ITGAD: variants seen among roughly 807,000 people sequenced by gnomAD.
The protein encoded by ITGAD is integrin alpha-D.
Under a neutral mutation model 139.0 loss-of-function variants are expected in ITGAD, and 105 were observed. The observed-to-expected ratio is 0.76, with a 90% CI of 0.65 to 0.89. ITGAD has a LOEUF of 0.89. Ranked by LOEUF, ITGAD falls within the 40% of genes least tolerant of loss-of-function variation. The pLI is 0.00. For synonymous variants in ITGAD, 569 were observed against 598.3 expected, an observed-to-expected ratio of 0.95 and a Z score of 0.71; for missense variants, 1,384 against 1,487.3, an observed-to-expected ratio of 0.93 and a Z score of 1.14.
intron 10 of ITGAD, among the ~76,000 whole-genome samples, chr16:31,408,794 C>A (rs1256070226): frequency 6.6e-6 from 1 of 152,206 alleles, no homozygotes; most frequent in African/African-American, 2.4e-5. Flanking sequence ...ATGGAAAAGG[C>A]CAGCCCTGGA....
chr16:31,395,054 C>T lies in ITGAD; in HGVS notation c.137+713C>T, dbSNP rs187464401. Reference sequence around the variant, plus strand: ...TGGCAGGGCTGGGCACCATGGCTCACGCCTATAATCCCAACGCTTTGGGAG... The same window carrying T: ...TGGCAGGGCTGGGCACCATGGCTCATGCCTATAATCCCAACGCTTTGGGAG... On this transcript the variant is annotated intron_variant, in intron 2 of 29. Transcript: ENST00000389202. 6.9e-4 allele frequency among the ~76,000 whole-genome samples: 105 copies of T among 152,284 alleles called. 1 individual carries two copies. The highest frequency in any genetic ancestry group is 5.8e-4 in the East Asian group (3 of 5,180).
rs183461639 is a variant in ITGAD at position 31,413,381 on chromosome 16, C to T, written c.1996+135C>T. On this transcript the variant is annotated intron_variant, in intron 16 of 29. Transcript: ENST00000389202. Reference sequence around the variant, plus strand: ...CACCACCTGTGCCAGAAACCTGGCTCATTCTCTCCCCTCTTCCTCACACCT... The same window carrying T: ...CACCACCTGTGCCAGAAACCTGGCTTATTCTCTCCCCTCTTCCTCACACCT... The T allele has an allele frequency of 2.0e-5, 19 of 932,440 alleles. 1 individual carries two copies. The Admixed American group carries it at 3.8e-4, about 19-fold the overall frequency. The allele number at this position is 932,440 out of a possible 1,614,324, so 57.8% of individuals were successfully genotyped here.
intron 5 of ITGAD, 94 bp from the exon 6 acceptor site, chr16:31,402,021 G>A: frequency 7.0e-7 from 1 of 1,421,460 alleles, no homozygotes; most frequent in Non-Finnish European, 9.6e-7. Flanking sequence ...AGGTGGGGAT[G>A]CCAAGAACAG....
At chr16:31,413,316 G>T in intron 16 of ITGAD, 70 bp downstream of exon 16, 1 of 1,522,140 alleles carries the variant, frequency 6.6e-7, no homozygotes. Flanking sequence ...TCCTGAGGAT[G>T]GGATGGGCCT....
chr16:31,406,756 C>T (rs1276239655), intron 7 of ITGAD, among the ~76,000 whole-genome samples: 2 of 152,174 alleles, frequency 1.3e-5, no homozygotes, highest in African/African-American at 4.8e-5. Context: ...GGTGTCACTT[C>T]CACCGCACGT....
intron 7 of ITGAD, among the ~76,000 whole-genome samples, chr16:31,406,940 A>C (rs1026251978): frequency 2.0e-5 from 3 of 152,224 alleles, no homozygotes; most frequent in African/African-American, 7.2e-5. Context: ...CTGACTCCAA[A>C]GCCCCTGCTT....
At position 31,424,494 on chromosome 16, in the gene ITGAD, G is replaced by T. The variant is rs2142862256; in HGVS notation, c.3289G>T (p.Val1097Phe). ...QMEMVLEEDE[V>F]YNAIPIIMGS... Reference sequence around the variant, plus strand: ...GGAGATGGTGCTAGAAGAAGACGAGGTCTACAATGCCATTCCCATCATCAT... The same window carrying T: ...GGAGATGGTGCTAGAAGAAGACGAGTTCTACAATGCCATTCCCATCATCAT... The change falls in exon 29 of 30, where the codon GTC becomes TTC. Residue 1097 changes from valine to phenylalanine, a missense_variant. By Grantham distance (50) the Val-to-Phe change is conservative. Coordinates refer to ENST00000389202, the MANE Select transcript of ITGAD (RefSeq NM_005353.3). 1 of 1,613,908 alleles carries T rather than the reference G, an allele frequency of 6.2e-7. No individual in the cohort carries two copies. The highest frequency in any genetic ancestry group is 1.1e-5 in the South Asian group (1 of 91,062).
chr16:31,407,628 C>T lies in ITGAD; in HGVS notation c.818C>T (p.Pro273Leu). 6.2e-7 allele frequency: 1 copy of T among 1,614,194 alleles called. No homozygotes were observed. Among genetic ancestry groups the T allele is most frequent in the Non-Finnish European group, 8.5e-7 (1 of 1,180,026 alleles). The change falls in exon 8 of 30, where the codon CCC becomes CTC. Residue 273 changes from proline to leucine, a missense_variant. By Grantham distance (98) the Pro-to-Leu change is moderately conservative. Coordinates refer to ENST00000389202, the MANE Select transcript of ITGAD (RefSeq NM_005353.3). Reference sequence around the variant, plus strand: ...CCCCTGGAATACAGTGATGTCATCCCCCAGGCAGAGAAGGCTGGCATCATC... The same window carrying T: ...CCCCTGGAATACAGTGATGTCATCCTCCAGGCAGAGAAGGCTGGCATCATC... ...KDPLEYSDVI[P>L]QAEKAGIIRY... is the part of the protein sequence containing the mutation.
At chr16:31,424,320 G>A (rs2082068968) in intron 28 of ITGAD, 117 bp downstream of exon 28, 1 of 1,354,374 alleles carries the variant, frequency 7.4e-7, no homozygotes, top group Non-Finnish European at 1.1e-6. Context: ...TCTCTGGGCA[G>A]GACAGCTGTC....
At chr16:31,425,699 T>C (rs1202757092) in intron 29 of ITGAD, among the ~76,000 whole-genome samples, 2 of 151,908 alleles carry the variant, frequency 1.3e-5, no homozygotes, top group East Asian at 3.9e-4. Flanking sequence ...CTTTTTTTTT[T>C]TTACATGGAG....
Position 31,424,597 on chromosome 16 carries a change from CT to C in ITGAD, c.3372+36del, listed in dbSNP as rs372527847. ...TACAAGGCAAGTGTTTTATCCAACT[CT>C]TTTTTTTTTTTTTTTGAGATGGAGT... is the stretch of plus-strand genomic sequence containing the variant. On this transcript the variant is annotated intron_variant, in intron 29 of 29. Transcript: ENST00000389202. 212,176 of 1,144,618 alleles carry C rather than the reference CT, an allele frequency of 0.19. 3 individuals are homozygous for C. The highest frequency in any genetic ancestry group is 0.2 in the East Asian group (7,104 of 35,240). 70.9% of individuals were successfully genotyped at this position (1,144,618 alleles called of 1,614,324 possible).
At chr16:31,413,350 T>C in intron 16 of ITGAD, 104 bp downstream of exon 16, 1 of 1,213,718 alleles carries the variant, frequency 8.2e-7, no homozygotes, top group Non-Finnish European at 1.2e-6. Context: ...TACCTCCACA[T>C]TCACTCACCA....
Position 31,412,931 on chromosome 16 carries a change from C to T in ITGAD, c.1801C>T (p.Leu601=), listed in dbSNP as rs771683244. Residue 601 remains leucine (L), a synonymous_variant, in exon 15 of 30, where the codon CTG becomes TTG. Transcript: ENST00000389202. Reference sequence around the variant, plus strand: ...CCTCACCCAGGATGGACTGATGGACCTGGCCGTGGGGGCCCGGGGCCAGGT... The same window carrying T: ...CCTCACCCAGGATGGACTGATGGACTTGGCCGTGGGGGCCCGGGGCCAGGT... ...QDLTQDGLMD[L]AVGARGQVLL... The T allele has an allele frequency of 8.1e-6, 13 of 1,612,098 alleles. No homozygotes were observed. The highest frequency in any genetic ancestry group is 1.7e-5 in the Admixed American group (1 of 59,672).
chr16:31,413,168 G>A lies in ITGAD; in HGVS notation c.1918G>A (p.Glu640Lys), dbSNP rs2081779987. The change falls in exon 16 of 30, where the codon GAA (glutamate) becomes AAA (lysine). Residue 640 changes from glutamate to lysine, a missense_variant. By Grantham distance (56) the Glu-to-Lys change is moderately conservative. Transcript: ENST00000389202. Reference protein sequence around the residue: ...EVAKAVYRCWEEKPSALEAGD... With the variant: ...EVAKAVYRCWKEKPSALEAGD... Reference sequence around the variant, plus strand: ...GGCCAAGGCTGTGTACCGGTGCTGGGAAGAGAAGCCCAGTGCCCTGGAAGC... The same window carrying A: ...GGCCAAGGCTGTGTACCGGTGCTGGAAAGAGAAGCCCAGTGCCCTGGAAGC... The A allele has an allele frequency of 6.2e-7, 1 of 1,614,172 alleles. No individual in the cohort carries two copies. The highest frequency in any genetic ancestry group is 8.5e-7 in the Non-Finnish European group (1 of 1,180,022).
intron 18 of ITGAD, 26 bp downstream of exon 18, chr16:31,415,017 G>T (rs759962226): frequency 6.2e-7 from 1 of 1,612,924 alleles, no homozygotes; most frequent in South Asian, 1.1e-5. Flanking sequence ...AAGTCCCAGG[G>T]ATGTGCTGAC....
chr16:31,423,817 C>G, intron 26 of ITGAD, 28 bp from the exon 27 acceptor site: 1 of 1,610,108 alleles, frequency 6.2e-7, no homozygotes, highest in Admixed American at 1.7e-5. Flanking sequence ...GGAAGAACCC[C>G]TCAGTTTCAC....
intron 5 of ITGAD, among the ~76,000 whole-genome samples, chr16:31,398,468 T>A (rs932364664): frequency 1.3e-5 from 2 of 150,266 alleles, no homozygotes; most frequent in African/African-American, 4.9e-5. Context: ...TCTGTCAGGC[T>A]GCATGCACCA....
chr16:31,422,810 AG>A (rs1201560234), intron 23 of ITGAD, among the ~76,000 whole-genome samples: 3 of 152,004 alleles, frequency 2.0e-5, no homozygotes, highest in African/African-American at 7.2e-5. Context: ...CATCGGAGGG[AG>A]GGGAGCTGAA....
chr16:31,409,267 C>T (rs1567336293), intron 10 of ITGAD, among the ~76,000 whole-genome samples: 1 of 151,904 alleles, frequency 6.6e-6, no homozygotes, highest in Non-Finnish European at 1.5e-5. Flanking sequence ...TGCACTTCAG[C>T]CTAGGTGACA....
Sources: gnomAD v4.1 joint callset for allele counts (sites outside exome capture counted in the v4.1 genomes callset) on GRCh38, gnomAD v4.1.1 for gene constraint, MANE v1.5 for transcripts, NCBI Gene and HGNC (gene_info 2026-07-23, HGNC 2026-07-21) for gene names.